Variants in STX8 observed in about 807,000 individuals in gnomAD.
The protein encoded by STX8 is syntaxin 8.
STX8 carries 23 observed loss-of-function variants against 37.5 expected under a neutral mutation model. The observed-to-expected ratio is 0.61, with a 90% CI of 0.44 to 0.87. The LOEUF (loss-of-function observed/expected upper bound fraction) is 0.87, where lower values mean the gene tolerates loss of function less well. STX8 is among the 40% of genes least tolerant of loss of function. The pLI is 0.00. For synonymous variants in STX8, 115 were observed against 99.1 expected (o/e 1.16, Z -0.95); for missense variants, 313 against 284.7 (o/e 1.10, Z -0.71).
At chr17:9,453,788 T>C (rs186083999) in intron 6 of STX8, among the ~76,000 whole-genome samples, 220 of 152,254 alleles carry the variant, frequency 1.4e-3, no homozygotes, top group Non-Finnish European at 2.4e-3. Flanking sequence ...CCACCGTACC[T>C]GGCTACTTGT....
intron 5 of STX8, among the ~76,000 whole-genome samples, chr17:9,503,643 A>G (rs1389678715): frequency 1.3e-5 from 2 of 152,234 alleles, no homozygotes; most frequent in Non-Finnish European, 2.9e-5. Flanking sequence ...AAGTGTCAGG[A>G]GTACAGGCAT....
At chr17:9,352,093 G>C (rs953779507) in intron 7 of STX8, among the ~76,000 whole-genome samples, 1 of 150,952 alleles carries the variant, frequency 6.6e-6, no homozygotes, top group South Asian at 2.1e-4. Flanking sequence ...GGAGGGCTTC[G>C]GTGAGCTACG....
intron 5 of STX8, among the ~76,000 whole-genome samples, chr17:9,499,273 G>A (rs377255212): frequency 2.0e-5 from 3 of 152,180 alleles, no homozygotes; most frequent in African/African-American, 7.2e-5. Context: ...CAAAGCCATA[G>A]CAACTTCAGC....
At chr17:9,552,943 T>C (rs1906827514) in intron 3 of STX8, 1 of 152,176 alleles carries the variant, frequency 6.6e-6, no homozygotes, top group Non-Finnish European at 1.5e-5. Context: ...AATTTATTTA[T>C]AGATTTTTAA....
At chr17:9,563,147 T>A (rs917605142) in intron 2 of STX8, among the ~76,000 whole-genome samples, 1 of 148,672 alleles carries the variant, frequency 6.7e-6, no homozygotes, top group Non-Finnish European at 1.5e-5. Context: ...ATTCATTCAT[T>A]CATCCATTTA....
At chr17:9,352,148 C>T (rs113781857) in intron 7 of STX8, among the ~76,000 whole-genome samples, 5,738 of 146,600 alleles carry the variant, frequency 0.039, 355 homozygotes, top group African/African-American at 0.13. Context: ...CAAGATCCTG[C>T]CTAAAAAAAA....
chr17:9,534,686 G>A (rs890188699), intron 4 of STX8, among the ~76,000 whole-genome samples: 1 of 152,026 alleles, frequency 6.6e-6, no homozygotes, highest in East Asian at 1.9e-4. Context: ...TACTTGGGAG[G>A]CTGAGGCAGG....
chr17:9,542,409 G>A (rs149437855), intron 4 of STX8, among the ~76,000 whole-genome samples: 2,161 of 151,470 alleles, frequency 0.014, 36 homozygotes, highest in Non-Finnish European at 0.023. Flanking sequence ...CGGGAGCTGT[G>A]GCTCACGCCT....
chr17:9,253,831 G>A (rs78754552), intron 7 of STX8, among the ~76,000 whole-genome samples: 3,214 of 152,244 alleles, frequency 0.021, 59 homozygotes, highest in Non-Finnish European at 0.029. Context: ...TGAGAAGAGC[G>A]GAGCAAGTGA....
At chr17:9,293,088 C>G (rs1407012725) in intron 7 of STX8, among the ~76,000 whole-genome samples, 1 of 152,190 alleles carries the variant, frequency 6.6e-6, no homozygotes, top group Non-Finnish European at 1.5e-5. Context: ...TAAATAACCA[C>G]TGGGACACAG....
intron 7 of STX8, among the ~76,000 whole-genome samples, chr17:9,293,443 C>T (rs1023403648): frequency 3.3e-5 from 5 of 151,756 alleles, no homozygotes; most frequent in African/African-American, 9.7e-5. Flanking sequence ...TTATGAGGAC[C>T]TCACAGAAGA....
chr17:9,346,970 A>T (rs188838225), intron 7 of STX8, among the ~76,000 whole-genome samples: 56 of 152,192 alleles, frequency 3.7e-4, no homozygotes, highest in African/African-American at 1.3e-3. Flanking sequence ...TCTACTAAAA[A>T]TATACAACTA....
At chr17:9,333,629 TCCGC>T (rs1181881611) in intron 7 of STX8, among the ~76,000 whole-genome samples, 1 of 152,200 alleles carries the variant, frequency 6.6e-6, no homozygotes, top group Non-Finnish European at 1.5e-5. Context: ...GACCTTGTGA[TCCGC>T]CCGCCTTGGC....
intron 6 of STX8, among the ~76,000 whole-genome samples, chr17:9,412,842 A>G (rs368942253): frequency 6.6e-6 from 1 of 152,296 alleles, no homozygotes; most frequent in African/African-American, 2.4e-5. Context: ...AAGATGATAA[A>G]AATAGGTTGA....
Position 9,491,813 on chromosome 17 carries a change from C to T in STX8, c.541+16G>A. The T allele has an allele frequency of 6.2e-7, 1 of 1,606,302 alleles. No individual in the cohort carries two copies. The highest frequency in any genetic ancestry group is 2.2e-5 in the East Asian group (1 of 44,808). On this transcript the variant is annotated intron_variant, in intron 6 of 7. Coordinates refer to ENST00000306357, the MANE Select transcript of STX8 (RefSeq NM_004853.3). The stretch of plus-strand genomic sequence containing the variant: ...ATGTCAACGGCAAATCTGGTCAATC[C>T]CAGACTTATTCTTACCATTTTGTTC...
chr17:9,412,618 G>C (rs1482549129), intron 6 of STX8, among the ~76,000 whole-genome samples: 2 of 152,112 alleles, frequency 1.3e-5, no homozygotes, highest in East Asian at 3.9e-4. Flanking sequence ...AAATAAAGCA[G>C]AGTGGAAGTT....
At chr17:9,309,308 C>G (rs1348339025) in intron 7 of STX8, among the ~76,000 whole-genome samples, 2 of 152,190 alleles carry the variant, frequency 1.3e-5, no homozygotes, top group Non-Finnish European at 2.9e-5. Context: ...TTCAAGCCCT[C>G]TTCTTCACTT....
At chr17:9,468,081 G>GGTT (rs1217868350) in intron 6 of STX8, among the ~76,000 whole-genome samples, 3 of 152,112 alleles carry the variant, frequency 2.0e-5, no homozygotes, top group African/African-American at 7.2e-5. Flanking sequence ...AAATAGCGTA[G>GGTT]AAACAATATA....
chr17:9,369,194 G>A (rs116820849), intron 7 of STX8, among the ~76,000 whole-genome samples: 114 of 152,324 alleles, frequency 7.5e-4, no homozygotes, highest in African/African-American at 2.6e-3. Flanking sequence ...GGGAAAACTT[G>A]AGGACAAGAT....
Sources: allele counts gnomAD v4.1 joint callset (sites outside exome capture counted in the v4.1 genomes callset), GRCh38; gene constraint gnomAD v4.1.1; transcripts MANE v1.5; gene names NCBI Gene and HGNC (gene_info 2026-07-23, HGNC 2026-07-21).